The following YARS1 variants were observed in gnomAD, a reference collection of about 807,000 sequenced individuals.
The protein encoded by YARS1 is tyrosyl-tRNA synthetase 1, also known as tyrosine--tRNA ligase, cytoplasmic.
A neutral mutation model predicts 62.2 loss-of-function variants in YARS1; 36 were observed. That is an observed-to-expected ratio of 0.58 (90% CI 0.44 to 0.76). The LOEUF (loss-of-function observed/expected upper bound fraction) is 0.76. Ranked by LOEUF, YARS1 falls within the 30% of genes least tolerant of loss-of-function variation. YARS1 has a pLI of 0.00. For missense variants in YARS1, 524 were observed against 639.8 expected (o/e 0.82, Z 1.95); for synonymous variants, 234 against 244.9 (o/e 0.96, Z 0.42).
intron 12 of YARS1, among the ~76,000 whole-genome samples, chr1:32,778,772 C>G (rs1251758427): frequency 7.9e-6 from 1 of 127,090 alleles, no homozygotes; most frequent in Non-Finnish European, 1.6e-5. Flanking sequence ...GAGTTTCACT[C>G]TTGTTGCCCA....
chr1:32,775,864 A>G lies in YARS1; in HGVS notation c.*117T>C, dbSNP rs1478202329. On this transcript the variant is annotated 3_prime_UTR_variant, in exon 13 of 13. Transcript: ENST00000373477. ...TTGCCGAGTTCTGCACCGAATAAAGAGTCCAAACCCGCTGCTTCCGTGTCC... is the reference window on the plus strand; with the variant it reads ...TTGCCGAGTTCTGCACCGAATAAAGGGTCCAAACCCGCTGCTTCCGTGTCC... 5 of 947,538 alleles carry G rather than the reference A, an allele frequency of 5.3e-6. No homozygotes were observed. Among genetic ancestry groups the G allele is most frequent in the African/African-American group, 1.6e-5 (1 of 61,430 alleles). The allele number at this position is 947,538 out of a possible 1,614,324, so 58.7% of individuals were successfully genotyped here.
At chr1:32,805,221 AGGGGAGAGGGGGAGAGGGGGAGAG>A (rs1267681142) in intron 4 of YARS1, among the ~76,000 whole-genome samples, 99 of 26,584 alleles carry the variant, frequency 3.7e-3, no homozygotes, top group South Asian at 8.8e-3. Flanking sequence ...GACGGTGGAA[AGGGGAGAGGGGGAGAGGGGGAGAG>A]GGGGAGAGGG....
chr1:32,802,176 T>G (rs1420640587), intron 4 of YARS1, among the ~76,000 whole-genome samples: 1 of 152,068 alleles, frequency 6.6e-6, no homozygotes, highest in Non-Finnish European at 1.5e-5. Context: ...CTCGATCTCC[T>G]GACCTCGTGA....
rs1057524574 is a variant in YARS1, at chr1:32,817,272, C to T, written c.-28G>A. The T allele has an allele frequency of 6.2e-7, 1 of 1,613,526 alleles. No individual in the cohort carries two copies. Among genetic ancestry groups the T allele is most frequent in the Non-Finnish European group, 8.5e-7 (1 of 1,179,874 alleles). ...CTCCGCTACCCCTGCTTCCCCCGCT[C>T]AGCCCGGCACCAGAGCCCCTTCCTG... On this transcript the variant is annotated 5_prime_UTR_variant, in exon 1 of 13. Coordinates refer to ENST00000373477, the MANE Select transcript of YARS1 (RefSeq NM_003680.4).
intron 4 of YARS1, among the ~76,000 whole-genome samples, chr1:32,804,299 T>C (rs1019180805): frequency 6.7e-6 from 1 of 150,054 alleles, no homozygotes; most frequent in African/African-American, 2.5e-5. Context: ...GGCTCCTCAC[T>C]TCCCAGACGG....
In YARS1 at chr1:32,780,137, G is replaced by A. The variant is rs1241550226; in HGVS notation, c.1282C>T (p.Pro428Ser). The A allele has an allele frequency of 2.5e-6, 4 of 1,614,064 alleles. No individual in the cohort carries two copies. Among genetic ancestry groups the A allele is most frequent in the Non-Finnish European group, 3.4e-6 (4 of 1,180,020 alleles). The change falls in exon 11 of 13, where the codon CCC (proline) becomes TCC (serine). Residue 428 changes from proline to serine, a missense_variant. Coordinates refer to ENST00000373477, the MANE Select transcript of YARS1 (RefSeq NM_003680.4). ...RLVVVLCNLKPQKMRGVESQG... is the reference protein window; with the variant it reads ...RLVVVLCNLKSQKMRGVESQG... ...GACTCGACTCCTCTCATCTTCTGGG[G>A]TTTCAGGTTGCACAGCACCACTACC...
intron 4 of YARS1, among the ~76,000 whole-genome samples, chr1:32,804,577 C>G (rs1638401599): frequency 6.6e-6 from 1 of 151,078 alleles, no homozygotes; most frequent in Non-Finnish European, 1.5e-5. Context: ...GGCAGAGACA[C>G]TCCTCAGTTC....
At chr1:32,812,825 G>C (rs1459141534) in intron 1 of YARS1, among the ~76,000 whole-genome samples, 1 of 152,070 alleles carries the variant, frequency 6.6e-6, no homozygotes. Flanking sequence ...AAAATTAGCA[G>C]GGCATGGTGG....
At chr1:32,786,472 A>G in intron 7 of YARS1, 25 bp from the exon 8 acceptor site, 6 of 1,600,754 alleles carry the variant, frequency 3.7e-6, no homozygotes, top group Non-Finnish European at 5.1e-6. Flanking sequence ...ATCCATGTCA[A>G]CAAACTCATT....
At chr1:32,816,522 G>A (rs1638738593) in intron 1 of YARS1, among the ~76,000 whole-genome samples, 1 of 152,040 alleles carries the variant, frequency 6.6e-6, no homozygotes, top group African/African-American at 2.4e-5. Flanking sequence ...AAAGTTAAGG[G>A]GTAAGCAATA....
chr1:32,776,178 G>T lies in YARS1; in HGVS notation c.1477-87C>A. ...TTTTTTGGAGGGGGGGCAGAGTTTT[G>T]CTCTTGTTGCCCAGGCTGGAGTGCA... On this transcript the variant is annotated intron_variant, in intron 12 of 12. Transcript: ENST00000373477. This position sits in a 1 kb window ranked among gnomAD's most constrained non-coding sequence, Gnocchi z 4.0. 1 of 1,139,884 alleles carries T rather than the reference G, an allele frequency of 8.8e-7. No individual in the cohort carries two copies. Among genetic ancestry groups the T allele is most frequent in the Non-Finnish European group, 1.3e-6 (1 of 772,260 alleles). 70.6% of individuals were successfully genotyped at this position (1,139,884 alleles called of 1,614,324 possible).
In YARS1 at chr1:32,776,009, T is replaced by G; in HGVS notation, c.1559A>C (p.Lys520Thr). 2 of 1,614,136 alleles carry G rather than the reference T, an allele frequency of 1.2e-6. No individual in the cohort carries two copies. Among genetic ancestry groups the G allele is most frequent in the Non-Finnish European group, 1.7e-6 (2 of 1,180,016 alleles). ...GCTAATGTTCCCCCCTTTCAGCGATTTACAGGAAATGGAGCCCAGCTTGGT... is the reference window on the plus strand; with the variant it reads ...GCTAATGTTCCCCCCTTTCAGCGATGTACAGGAAATGGAGCCCAGCTTGGT... ...FMTKLGSISC[K>T]SLKGGNIS The change falls in exon 13 of 13, where the codon AAA becomes ACA. Residue 520 changes from lysine (K) to threonine (T), a missense_variant. Physicochemically the swap from Lys to Thr is moderately conservative, Grantham distance 78. Coordinates refer to ENST00000373477, the MANE Select transcript of YARS1 (RefSeq NM_003680.4). This position sits in a 1 kb window ranked among gnomAD's most constrained non-coding sequence, Gnocchi z 4.0.
intron 7 of YARS1, 106 bp downstream of exon 7, chr1:32,786,834 G>C: frequency 6.9e-7 from 1 of 1,455,946 alleles, no homozygotes; most frequent in South Asian, 1.2e-5. Context: ...AGAGAATCAG[G>C]GCAGCCAGTC....
rs774884649 is a variant in YARS1, at chr1:32,775,984, G to C, written c.1584C>G (p.Ser528Arg). ...SCKSLKGGNIS is the reference protein window; with the variant it reads ...SCKSLKGGNIR ...AGGGGGGAAGATGCTGGGCTGGCTA[G>C]CTAATGTTCCCCCCTTTCAGCGATT... The change falls in exon 13 of 13, where the codon AGC becomes AGG. Residue 528 changes from serine to arginine, a missense_variant. By Grantham distance (110) the Ser-to-Arg change is moderately radical. Coordinates refer to ENST00000373477, the MANE Select transcript of YARS1 (RefSeq NM_003680.4). 3.1e-6 allele frequency: 5 copies of C among 1,613,244 alleles called. No homozygotes were observed. The highest frequency in any genetic ancestry group is 3.4e-6 in the Non-Finnish European group (4 of 1,179,210).
chr1:32,804,897 G>A (rs1340305920), intron 4 of YARS1, among the ~76,000 whole-genome samples: 1 of 152,118 alleles, frequency 6.6e-6, no homozygotes, highest in African/African-American at 2.4e-5. Context: ...GGAGGTGGAG[G>A]TTGTAGCGAG....
intron 4 of YARS1, among the ~76,000 whole-genome samples, chr1:32,799,175 G>T (rs571380054): frequency 1.8e-4 from 28 of 152,216 alleles, no homozygotes; most frequent in Non-Finnish European, 3.8e-4. Flanking sequence ...ATGTGAGAAG[G>T]CACAGAGGTG....
intron 1 of YARS1, among the ~76,000 whole-genome samples, chr1:32,813,983 G>T (rs1638641519): frequency 6.6e-6 from 1 of 152,056 alleles, no homozygotes; most frequent in Non-Finnish European, 1.5e-5. Context: ...TTGGGGCTCT[G>T]GTCTTTTGTC....
chr1:32,779,113 T>C (rs1457699954), intron 12 of YARS1, among the ~76,000 whole-genome samples: 1 of 152,198 alleles, frequency 6.6e-6, no homozygotes, highest in South Asian at 2.1e-4. Context: ...GATAATCTCC[T>C]ATTACAGACT....
rs1054569479 is a variant in YARS1 at position 32,786,656 on chromosome 1, A to G, written c.821-209T>C. 55 of 705,028 alleles carry G rather than the reference A, an allele frequency of 7.8e-5. 1 individual carries two copies. Among genetic ancestry groups the G allele is most frequent in the Non-Finnish European group, 1.1e-4 (47 of 416,776 alleles). The allele number at this position is 705,028 out of a possible 1,614,324, so 43.7% of individuals were successfully genotyped here. On this transcript the variant is annotated intron_variant, in intron 7 of 12. Coordinates refer to ENST00000373477, the MANE Select transcript of YARS1 (RefSeq NM_003680.4). ...TGCTTCAGGGGAAGGCTTGTGGCTTATATCTATTTTGTTGTATTCCTCTAG... is the reference window on the plus strand; with the variant it reads ...TGCTTCAGGGGAAGGCTTGTGGCTTGTATCTATTTTGTTGTATTCCTCTAG...
Sources: allele counts gnomAD v4.1 joint callset (sites outside exome capture counted in the v4.1 genomes callset), GRCh38; gene constraint gnomAD v4.1.1; non-coding constraint Gnocchi (gnomAD v3.1); transcripts MANE v1.5; gene names NCBI Gene and HGNC (gene_info 2026-07-23, HGNC 2026-07-21).